The following TFB1M variants were observed in gnomAD, a reference collection of about 807,000 sequenced individuals.
The protein encoded by TFB1M is dimethyladenosine transferase 1, mitochondrial.
TFB1M carries 27 observed loss-of-function variants against 31.1 expected under a neutral mutation model. The ratio of observed to expected loss-of-function variants is 0.87; its 90% CI spans 0.64 to 1.20. The LOEUF (loss-of-function observed/expected upper bound fraction) is 1.20, where lower values mean the gene tolerates loss of function less well. Among genes scored for constraint, TFB1M ranks in the 50% most tolerant of loss-of-function variants. The pLI is 0.00. For missense variants in TFB1M, 394 were observed against 418.7 expected (o/e 0.94, Z 0.51); for synonymous variants, 166 against 151.8 (o/e 1.09, Z -0.69).
intron 2 of TFB1M, among the ~76,000 whole-genome samples, chr6:155,306,847 G>A (rs990673426): frequency 3.3e-5 from 5 of 152,102 alleles, no homozygotes; most frequent in African/African-American, 1.2e-4. Flanking sequence ...TTAACTGGAC[G>A]CGGTGGCTCT....
At chr6:155,312,193 AT>A (rs1415331907) in intron 1 of TFB1M, among the ~76,000 whole-genome samples, 2 of 152,116 alleles carry the variant, frequency 1.3e-5, no homozygotes, top group Non-Finnish European at 2.9e-5. Context: ...TCACAGTCCT[AT>A]TTTTGCTTGT....
At chr6:155,295,842 TA>T (rs1339336350) in intron 4 of TFB1M, among the ~76,000 whole-genome samples, 1 of 152,136 alleles carries the variant, frequency 6.6e-6, no homozygotes, top group Non-Finnish European at 1.5e-5. Flanking sequence ...GTATTACAAA[TA>T]ATGTAGAGAT....
intron 5 of TFB1M, among the ~76,000 whole-genome samples, chr6:155,268,658 G>A (rs1042979852): frequency 6.6e-6 from 1 of 151,928 alleles, no homozygotes. Context: ...CCCCCAACCC[G>A]GTGCTCTCTG....
At chr6:155,301,376 A>G (rs112934243) in intron 2 of TFB1M, among the ~76,000 whole-genome samples, 1,875 of 152,326 alleles carry the variant, frequency 0.012, 34 homozygotes, top group Non-Finnish European at 0.015. Context: ...AAACACTTCA[A>G]ATGATATTAG....
intron 4 of TFB1M, among the ~76,000 whole-genome samples, chr6:155,293,532 A>G (rs560032472): frequency 6.6e-6 from 1 of 152,334 alleles, no homozygotes; most frequent in South Asian, 2.1e-4. Context: ...GATGATCCTT[A>G]GAACTGCGTA....
chr6:155,234,611 T>C, the TFB1M span, among the ~76,000 whole-genome samples: 3 of 152,204 alleles, frequency 2.0e-5, no homozygotes, highest in Non-Finnish European at 2.9e-5. Context: ...CCTTATGTTG[T>C]TCAGGCTGGT....
chr6:155,269,158 T>C (rs914664358), intron 5 of TFB1M, among the ~76,000 whole-genome samples: 2 of 151,860 alleles, frequency 1.3e-5, no homozygotes, highest in African/African-American at 4.8e-5. Flanking sequence ...GAGGTAGGAC[T>C]TACAAATATG....
chr6:155,286,639 G>GTGTGCATATA (rs772960043), intron 4 of TFB1M, among the ~76,000 whole-genome samples: 65 of 131,996 alleles, frequency 4.9e-4, no homozygotes, highest in South Asian at 1.5e-3. Context: ...GTGCATATAT[G>GTGTGCATATA]TGTGTGTGTG....
chr6:155,297,154 GAATAC>G, intron 3 of TFB1M, 50 bp from the exon 4 acceptor site: 1 of 1,580,908 alleles, frequency 6.3e-7, no homozygotes, highest in South Asian at 1.1e-5. Context: ...AATATATTCT[GAATAC>G]AATTTCAGTG....
chr6:155,256,334 A>AT lies in TFB1M; in HGVS notation c.*1501dup. 1 of 1,153,442 alleles carries AT rather than the reference A, an allele frequency of 8.7e-7. No homozygotes were observed. Among genetic ancestry groups the AT allele is most frequent in the Non-Finnish European group, 1.2e-6 (1 of 827,246 alleles). 71.5% of individuals were successfully genotyped at this position (1,153,442 alleles called of 1,614,324 possible). On this transcript the variant is annotated 3_prime_UTR_variant, in exon 7 of 7. Coordinates refer to ENST00000367166, the MANE Select transcript of TFB1M (RefSeq NM_016020.4). ...AAATGTCCATGTTTTCAGTAGCTAC[A>AT]TTTTTGCCTAATTACCAGGATAGTT...
At chr6:155,277,571 G>C (rs1158774243) in intron 5 of TFB1M, among the ~76,000 whole-genome samples, 2 of 152,148 alleles carry the variant, frequency 1.3e-5, no homozygotes, top group African/African-American at 2.4e-5. Flanking sequence ...ACTTTCATTT[G>C]TGCATACAGA....
chr6:155,257,734 G>A lies in TFB1M; in HGVS notation c.*102C>T. On this transcript the variant is annotated 3_prime_UTR_variant, in exon 7 of 7. Coordinates refer to ENST00000367166, the MANE Select transcript of TFB1M (RefSeq NM_016020.4). The stretch of plus-strand genomic sequence containing the variant: ...GGAAAATAAGTCACATCTGGTCATT[G>A]GCATTTGTATCGTCATTCTGTAAAG... 7.1e-7 allele frequency: 1 copy of A among 1,400,846 alleles called. No homozygotes were observed. Among genetic ancestry groups the A allele is most frequent in the Non-Finnish European group, 9.9e-7 (1 of 1,008,800 alleles). 86.8% of individuals were successfully genotyped at this position (1,400,846 alleles called of 1,614,324 possible). A position where few individuals can be genotyped will look rare whatever the true frequency, so the allele number is the denominator to read the frequency against.
At chr6:155,285,007 A>T in intron 5 of TFB1M, 151 bp downstream of exon 5, 1 of 946,590 alleles carries the variant, frequency 1.1e-6, no homozygotes, top group Admixed American at 2.0e-5. Context: ...TATTCATATT[A>T]CGATTTTTGT....
chr6:155,248,184 G>T, the TFB1M span: 1 of 1,611,364 alleles, frequency 6.2e-7, no homozygotes, highest in Non-Finnish European at 8.5e-7. Context: ...TGACGGGTGA[G>T]GCGGCGGCGG....
chr6:155,236,717 G>C, the TFB1M span, among the ~76,000 whole-genome samples: 1 of 152,170 alleles, frequency 6.6e-6, no homozygotes, highest in African/African-American at 2.4e-5. Context: ...AGCAGGCAAA[G>C]AGAGCTTGTG....
chr6:155,250,758 C>T, the TFB1M span: 2 of 1,130,690 alleles, frequency 1.8e-6, no homozygotes, highest in South Asian at 3.0e-5. Flanking sequence ...TTTTCAAAAG[C>T]TCCACCGTTT....
At chr6:155,311,485 T>A (rs1778016043) in intron 1 of TFB1M, 146 bp from the exon 2 acceptor site, 1 of 725,846 alleles carries the variant, frequency 1.4e-6, no homozygotes, top group Admixed American at 2.2e-5. Flanking sequence ...TATTTAACTC[T>A]CTACCTAAAT....
At chr6:155,295,547 T>C (rs1056837492) in intron 4 of TFB1M, among the ~76,000 whole-genome samples, 7 of 152,156 alleles carry the variant, frequency 4.6e-5, no homozygotes, top group African/African-American at 1.7e-4. Flanking sequence ...GTGATTTAAT[T>C]ACCCATGTTG....
At chr6:155,234,683 G>A in the TFB1M span, among the ~76,000 whole-genome samples, 1 of 152,226 alleles carries the variant, frequency 6.6e-6, no homozygotes, top group Admixed American at 6.5e-5. Flanking sequence ...GGGATTACAG[G>A]CATGAGCCAC....
Sources: allele counts gnomAD v4.1 joint callset (sites outside exome capture counted in the v4.1 genomes callset), GRCh38; gene constraint gnomAD v4.1.1; transcripts MANE v1.5; gene names NCBI Gene and HGNC (gene_info 2026-07-23, HGNC 2026-07-21).